Variants in SMIM3 observed in about 807,000 individuals in gnomAD.
The protein encoded by SMIM3 is small integral membrane protein 3, also known as NGF-induced differentiation clone 67 protein.
In SMIM3, 4 loss-of-function variants were observed where a neutral mutation model predicts 2.1. The ratio of observed to expected loss-of-function variants is 1.89; its 90% CI spans 0.93 to 4.31. SMIM3 has a LOEUF of 4.31. Ranked by LOEUF, SMIM3 falls within the 30% of genes most tolerant of loss-of-function variation. The probability of loss-of-function intolerance (pLI) is 0.01; values close to 1 mark genes in which losing one functional copy is unlikely to be tolerated. For missense variants in SMIM3, 79 were observed against 77.7 expected (o/e 1.02, Z -0.06); for synonymous variants, 29 against 30.8 (o/e 0.94, Z 0.19).
chr5:150,790,247 C>A (rs1185858724), intron 1 of SMIM3, among the ~76,000 whole-genome samples: 1 of 152,090 alleles, frequency 6.6e-6, no homozygotes, highest in Non-Finnish European at 1.5e-5. Context: ...ATCTTACAGG[C>A]TTTGCTTATG....
At chr5:150,780,522 C>A (rs1389972759) in intron 1 of SMIM3, among the ~76,000 whole-genome samples, 4 of 152,216 alleles carry the variant, frequency 2.6e-5, no homozygotes, top group Non-Finnish European at 1.5e-5. Context: ...CCTCTCCGAA[C>A]CTCAGAACTG....
intron 1 of SMIM3, among the ~76,000 whole-genome samples, chr5:150,785,003 C>A (rs768050492): frequency 6.0e-5 from 9 of 149,146 alleles, no homozygotes; most frequent in Non-Finnish European, 1.0e-4. Context: ...AATCAAAATA[C>A]TTTAATTCTA....
chr5:150,779,923 G>T (rs1427903016), intron 1 of SMIM3, among the ~76,000 whole-genome samples: 1 of 139,366 alleles, frequency 7.2e-6, no homozygotes, highest in Non-Finnish European at 1.5e-5. Flanking sequence ...AGCTGCACTT[G>T]TTTCTTCTGG....
At chr5:150,795,360 G>A in intron 1 of SMIM3, 70 bp from the exon 2 acceptor site, 2 of 1,531,756 alleles carry the variant, frequency 1.3e-6, no homozygotes, top group East Asian at 2.2e-5. Context: ...TGACTCCTGA[G>A]GGTTTCCTTC....
chr5:150,781,786 C>G (rs925919325), intron 1 of SMIM3, among the ~76,000 whole-genome samples: 1 of 152,226 alleles, frequency 6.6e-6, no homozygotes, highest in Admixed American at 6.5e-5. Context: ...CAGCACCTCT[C>G]ATGGACAGTC....
chr5:150,784,313 A>C (rs942744158), intron 1 of SMIM3, among the ~76,000 whole-genome samples: 7 of 152,120 alleles, frequency 4.6e-5, no homozygotes, highest in African/African-American at 1.4e-4. Flanking sequence ...TTTCCATTTT[A>C]CAAATTAGGA....
chr5:150,782,410 A>G (rs1377720489), intron 1 of SMIM3, among the ~76,000 whole-genome samples: 1 of 152,184 alleles, frequency 6.6e-6, no homozygotes, highest in Non-Finnish European at 1.5e-5. Flanking sequence ...CTAAGAACAG[A>G]AAGATTCACA....
At chr5:150,795,058 C>T (rs1753388065) in intron 1 of SMIM3, among the ~76,000 whole-genome samples, 1 of 152,058 alleles carries the variant, frequency 6.6e-6, no homozygotes, top group South Asian at 2.1e-4. Flanking sequence ...CTTTGGAGTC[C>T]CACCCATCTG....
intron 1 of SMIM3, among the ~76,000 whole-genome samples, chr5:150,794,242 A>G (rs1389646386): frequency 6.6e-6 from 1 of 152,222 alleles, no homozygotes; most frequent in Admixed American, 6.5e-5. Context: ...AAACTAGTAC[A>G]GCCACTATAG....
At chr5:150,781,596 C>G (rs1753233058) in intron 1 of SMIM3, among the ~76,000 whole-genome samples, 1 of 152,142 alleles carries the variant, frequency 6.6e-6, no homozygotes, top group Non-Finnish European at 1.5e-5. Flanking sequence ...TATATAGGAT[C>G]ATATTCAAGA....
At chr5:150,787,353 T>C (rs924466496) in intron 1 of SMIM3, among the ~76,000 whole-genome samples, 27 of 152,360 alleles carry the variant, frequency 1.8e-4, no homozygotes, top group African/African-American at 6.5e-4. Context: ...AAAGGACTAG[T>C]CCAAATTGTC....
chr5:150,781,077 C>G (rs1475908966), intron 1 of SMIM3, among the ~76,000 whole-genome samples: 4 of 152,216 alleles, frequency 2.6e-5, no homozygotes, highest in African/African-American at 9.7e-5. Flanking sequence ...CTGTCATCAC[C>G]TCCATTTTAT....
At chr5:150,791,535 C>G (rs1285725114) in intron 1 of SMIM3, among the ~76,000 whole-genome samples, 1 of 152,108 alleles carries the variant, frequency 6.6e-6, no homozygotes, top group African/African-American at 2.4e-5. Context: ...GGCTTATATC[C>G]TTTAGCATAA....
intron 1 of SMIM3, among the ~76,000 whole-genome samples, chr5:150,794,258 A>G (rs889032159): frequency 2.6e-5 from 4 of 152,218 alleles, no homozygotes; most frequent in Non-Finnish European, 5.9e-5. Context: ...TATAGAAAAC[A>G]GTGTGGAGAT....
At chr5:150,791,321 T>C (rs925178722) in intron 1 of SMIM3, among the ~76,000 whole-genome samples, 18 of 152,154 alleles carry the variant, frequency 1.2e-4, no homozygotes, top group African/African-American at 4.3e-4. Flanking sequence ...AAATGACTAA[T>C]AAATAAATTA....
chr5:150,783,339 T>C (rs1753255910), intron 1 of SMIM3, among the ~76,000 whole-genome samples: 2 of 152,194 alleles, frequency 1.3e-5, no homozygotes, highest in African/African-American at 4.8e-5. Flanking sequence ...GGTGGAGACT[T>C]TTTGGAAGGG....
At chr5:150,781,150 A>G (rs532257499) in intron 1 of SMIM3, among the ~76,000 whole-genome samples, 1 of 152,354 alleles carries the variant, frequency 6.6e-6, no homozygotes, top group African/African-American at 2.4e-5. Flanking sequence ...AGTAAGTGGC[A>G]GAGCTGTAAT....
intron 1 of SMIM3, among the ~76,000 whole-genome samples, chr5:150,785,580 C>CTTTTTTTTTTTTT (rs35273478): frequency 1.8e-4 from 21 of 113,728 alleles, no homozygotes; most frequent in East Asian, 2.4e-4. Flanking sequence ...TATTTCTTTT[C>CTTTTTTTTTTTTT]TTTTTTTTTT....
intron 1 of SMIM3, among the ~76,000 whole-genome samples, chr5:150,783,090 T>C (rs1182836894): frequency 6.6e-6 from 1 of 152,208 alleles, no homozygotes; most frequent in African/African-American, 2.4e-5. Flanking sequence ...AAAACTTTAC[T>C]AAAACGTAAC....
Sources: gnomAD v4.1 joint callset for allele counts (sites outside exome capture counted in the v4.1 genomes callset) on GRCh38, gnomAD v4.1.1 for gene constraint, MANE v1.5 for transcripts, NCBI Gene and HGNC (gene_info 2026-07-23, HGNC 2026-07-21) for gene names.